FBXW7: variants seen among roughly 807,000 people sequenced by gnomAD.
The protein encoded by FBXW7 is F-box and WD repeat domain containing 7.
In FBXW7, 11 loss-of-function variants were observed where a neutral mutation model predicts 86.3. That is an observed-to-expected ratio of 0.13 (90% confidence interval 0.08 to 0.21). FBXW7 has a LOEUF of 0.21. Among genes scored for constraint, FBXW7 ranks in the 10% least tolerant of loss-of-function variants. The pLI is 1.00. For synonymous variants in FBXW7, 313 were observed against 297.9 expected (o/e 1.05, Z -0.52); for missense variants, 488 against 847.4 (o/e 0.58, Z 5.27).
intron 4 of FBXW7, among the ~76,000 whole-genome samples, chr4:152,353,417 C>T (rs1476801707): frequency 6.6e-6 from 1 of 152,132 alleles, no homozygotes; most frequent in African/African-American, 2.4e-5. Flanking sequence ...ATTGCCTATG[C>T]TTTTCCATTT....
intron 2 of FBXW7, among the ~76,000 whole-genome samples, chr4:152,428,513 G>A (rs961878919): frequency 1.3e-5 from 2 of 152,212 alleles, no homozygotes; most frequent in African/African-American, 2.4e-5. Context: ...AATTCAGAAA[G>A]AGAGATTCAA....
At chr4:152,423,908 G>T (rs1475423493) in intron 2 of FBXW7, among the ~76,000 whole-genome samples, 2 of 152,122 alleles carry the variant, frequency 1.3e-5, no homozygotes, top group Non-Finnish European at 2.9e-5. Flanking sequence ...TTATTTGAGT[G>T]TTGTTACTTT....
intron 2 of FBXW7, among the ~76,000 whole-genome samples, chr4:152,506,931 C>T (rs1747476942): frequency 6.6e-6 from 1 of 152,176 alleles, no homozygotes; most frequent in Non-Finnish European, 1.5e-5. Flanking sequence ...GTGTAATGCA[C>T]AATATGAATG....
At position 152,329,637 on chromosome 4, in the gene FBXW7, T is replaced by G. The variant is rs371087253; in HGVS notation, c.1236+35A>C. 1.3e-5 allele frequency: 15 copies of G among 1,119,924 alleles called. No homozygotes were observed. The African/African-American group carries it at 2.4e-4, about 18-fold the overall frequency. 69.4% of individuals were successfully genotyped at this position (1,119,924 alleles called of 1,614,324 possible). A position where few individuals can be genotyped will look rare whatever the true frequency, so the allele number is the denominator to read the frequency against. ...CTACTTGCAATGATATACACAAAAT[T>G]ATGACTTTGTGAAGTGTAGGAAGAG... On this transcript the variant is annotated intron_variant, in intron 10 of 13. Coordinates refer to ENST00000281708, the MANE Select transcript of FBXW7 (RefSeq NM_001349798.2).
At chr4:152,428,831 C>A (rs897637733) in intron 2 of FBXW7, among the ~76,000 whole-genome samples, 1 of 152,146 alleles carries the variant, frequency 6.6e-6, no homozygotes, top group Non-Finnish European at 1.5e-5. Context: ...TAAAATCTTA[C>A]CAATTCAGAT....
At chr4:152,386,801 T>C (rs1166773417) in intron 4 of FBXW7, among the ~76,000 whole-genome samples, 1 of 152,166 alleles carries the variant, frequency 6.6e-6, no homozygotes, top group Non-Finnish European at 1.5e-5. Flanking sequence ...CACTCCCTGA[T>C]TTTCTTTCTT....
chr4:152,485,986 C>T (rs145654326), intron 2 of FBXW7, among the ~76,000 whole-genome samples: 10 of 152,162 alleles, frequency 6.6e-5, no homozygotes, highest in East Asian at 3.8e-4. Context: ...CAAGCCTACA[C>T]GGTATAGCCC....
At chr4:152,373,490 G>A (rs997977639) in intron 4 of FBXW7, among the ~76,000 whole-genome samples, 3 of 151,848 alleles carry the variant, frequency 2.0e-5, no homozygotes, top group African/African-American at 7.3e-5. Flanking sequence ...TCTACTCTAG[G>A]TGCTCAATAC....
At chr4:152,488,015 A>AT (rs141620089) in intron 2 of FBXW7, among the ~76,000 whole-genome samples, 2,075 of 152,190 alleles carry the variant, frequency 0.014, 25 homozygotes, top group Middle Eastern at 0.037. Flanking sequence ...AATAATGTTA[A>AT]AAGTATGCCA....
intron 2 of FBXW7, among the ~76,000 whole-genome samples, chr4:152,487,266 A>G (rs1745427027): frequency 6.6e-6 from 1 of 152,160 alleles, no homozygotes; most frequent in Admixed American, 6.6e-5. Context: ...TACCCCACAG[A>G]TTAATGATTA....
At position 152,334,235 on chromosome 4, in the gene FBXW7, T is replaced by C. The variant is rs549338287; in HGVS notation, c.862-1516A>G. On this transcript the variant is annotated intron_variant, in intron 7 of 13. Transcript: ENST00000281708. ...TATATCAGAGAAGACCAGTATTATG[T>C]AGAGAAGCTGAGTCATTTAAAATAA... 2.6e-5 allele frequency among the ~76,000 whole-genome samples: 4 copies of C among 152,226 alleles called. No individual in the cohort carries two copies. The South Asian group carries it at 8.3e-4, about 31-fold the overall frequency.
At chr4:152,503,141 T>C (rs1023000055) in intron 2 of FBXW7, among the ~76,000 whole-genome samples, 1 of 152,224 alleles carries the variant, frequency 6.6e-6, no homozygotes, top group Non-Finnish European at 1.5e-5. Flanking sequence ...ACGTGGAAGA[T>C]ATTCAATTAA....
At chr4:152,386,027 TAATA>T (rs1231087549) in intron 4 of FBXW7, among the ~76,000 whole-genome samples, 1 of 151,902 alleles carries the variant, frequency 6.6e-6, no homozygotes, top group Non-Finnish European at 1.5e-5. Flanking sequence ...ACAAAAACCC[TAATA>T]AATGAGGGAA....
intron 2 of FBXW7, among the ~76,000 whole-genome samples, chr4:152,527,332 C>A (rs1749604713): frequency 6.6e-6 from 1 of 152,344 alleles, no homozygotes; most frequent in African/African-American, 2.4e-5. Context: ...TCCAGGTAGA[C>A]CTGTTTTCAA....
At chr4:152,353,912 T>C (rs754877755) in intron 4 of FBXW7, among the ~76,000 whole-genome samples, 41 of 152,270 alleles carry the variant, frequency 2.7e-4, no homozygotes, top group Non-Finnish European at 5.0e-4. Flanking sequence ...TACAAGTAAA[T>C]TGTGTGCCTA....
intron 2 of FBXW7, among the ~76,000 whole-genome samples, chr4:152,434,838 G>C (rs1370416554): frequency 6.6e-6 from 1 of 152,034 alleles, no homozygotes; most frequent in Non-Finnish European, 1.5e-5. Flanking sequence ...TGTATAGATA[G>C]AGGTTTGTAT....
chr4:152,529,743 G>A (rs757864557), intron 2 of FBXW7, among the ~76,000 whole-genome samples: 1 of 152,100 alleles, frequency 6.6e-6, no homozygotes, highest in Non-Finnish European at 1.5e-5. Context: ...GAGGTAGATG[G>A]ATTACCTGAG....
At chr4:152,410,988 C>T (rs1737894636) in intron 4 of FBXW7, among the ~76,000 whole-genome samples, 1 of 152,056 alleles carries the variant, frequency 6.6e-6, no homozygotes. Context: ...ATGTTTCACC[C>T]GAAACCTCTA....
intron 2 of FBXW7, among the ~76,000 whole-genome samples, chr4:152,416,286 T>G (rs1336324488): frequency 1.3e-5 from 2 of 152,148 alleles, no homozygotes; most frequent in Non-Finnish European, 2.9e-5. Context: ...GTCAATTACT[T>G]TAAATACATT....
Sources: gnomAD v4.1 joint callset for allele counts (sites outside exome capture counted in the v4.1 genomes callset) on GRCh38, gnomAD v4.1.1 for gene constraint, MANE v1.5 for transcripts, NCBI Gene and HGNC (gene_info 2026-07-23, HGNC 2026-07-21) for gene names.